The following DNER variants were observed in gnomAD, a reference collection of about 807,000 sequenced individuals.
DNER encodes the protein delta and Notch-like epidermal growth factor-related receptor.
A neutral mutation model predicts 78.2 loss-of-function variants in DNER; 33 were observed. The ratio of observed to expected loss-of-function variants is 0.42; its 90% CI spans 0.32 to 0.56. The LOEUF (loss-of-function observed/expected upper bound fraction) is 0.56, where lower values mean the gene tolerates loss of function less well. Ranked by LOEUF, DNER falls within the 20% of genes least tolerant of loss-of-function variation. DNER has a pLI of 0.11. For missense variants in DNER, 918 were observed against 975.3 expected (o/e 0.94, Z 0.78); for synonymous variants, 417 against 384.8 (o/e 1.08, Z -0.98).
At chr2:229,580,827 A>G (rs73998282) in intron 4 of DNER, among the ~76,000 whole-genome samples, 12,230 of 152,224 alleles carry the variant, frequency 0.08, 925 homozygotes, top group African/African-American at 0.19. Flanking sequence ...ATTCCAGGGT[A>G]CCTGGAATTT....
intron 1 of DNER, among the ~76,000 whole-genome samples, chr2:229,681,424 TA>T (rs1011361483): frequency 1.7e-4 from 26 of 152,292 alleles, no homozygotes; most frequent in African/African-American, 5.5e-4. Flanking sequence ...GGCTCCCAGG[TA>T]ACCATCTACT....
intron 5 of DNER, among the ~76,000 whole-genome samples, chr2:229,516,785 TAAA>T (rs796603043): frequency 4.8e-5 from 4 of 83,886 alleles, no homozygotes; most frequent in Admixed American, 2.9e-4. Context: ...ACGCTGTCTC[TAAA>T]AAAAAAAAAA....
At chr2:229,473,134 A>G (rs4973207) in intron 7 of DNER, among the ~76,000 whole-genome samples, 61,471 of 152,074 alleles carry the variant, frequency 0.4, 14,293 homozygotes, top group African/African-American at 0.64. Context: ...GCTGTCGAGA[A>G]CTCTATCTAG....
At chr2:229,663,851 G>A (rs1054849509) in intron 1 of DNER, among the ~76,000 whole-genome samples, 1 of 152,120 alleles carries the variant, frequency 6.6e-6, no homozygotes, top group Non-Finnish European at 1.5e-5. Context: ...GTTCCAAGCT[G>A]GAGTCTCACT....
chr2:229,480,913 A>G lies in DNER; in HGVS notation c.1148-3660T>C, dbSNP rs554435431. The stretch of plus-strand genomic sequence containing the variant: ...TGCTCTAGACCCGTAAAGTATGAGC[A>G]TATTGACATGTCTGTGGGTTCAGTA... On this transcript the variant is annotated intron_variant, in intron 6 of 12. Coordinates refer to ENST00000341772, the MANE Select transcript of DNER (RefSeq NM_139072.4). 2.0e-5 allele frequency among the ~76,000 whole-genome samples: 3 copies of G among 152,382 alleles called. No individual in the cohort carries two copies. The East Asian group carries it at 5.8e-4, about 29-fold the overall frequency.
At chr2:229,518,364 C>T (rs555892480) in intron 5 of DNER, among the ~76,000 whole-genome samples, 2 of 152,356 alleles carry the variant, frequency 1.3e-5, no homozygotes, top group African/African-American at 4.8e-5. Context: ...CGAAAGGACA[C>T]AGTCCCCATT....
chr2:229,376,688 T>G (rs1264700599), intron 11 of DNER, among the ~76,000 whole-genome samples: 1 of 152,218 alleles, frequency 6.6e-6, no homozygotes, highest in Non-Finnish European at 1.5e-5. Flanking sequence ...AAGCAATATG[T>G]TGAAGAGTGT....
At chr2:229,428,066 T>G (rs547897351) in intron 8 of DNER, among the ~76,000 whole-genome samples, 265 of 118,848 alleles carry the variant, frequency 2.2e-3, no homozygotes, top group African/African-American at 9.5e-3. Context: ...CAGAGCGAGA[T>G]TCCATCTCAA....
In DNER at chr2:229,431,078, ATGTTAAAAATTC is replaced by A. The variant is rs1441501656; in HGVS notation, c.1487-12860_1487-12849del. ...TATGCAGAAAAGAAAATCTTTGAAG[ATGTTAAAAATTC>A]TGTAACTTCTGTAGATGTACTGAGT... On this transcript the variant is annotated intron_variant, in intron 8 of 12. Coordinates refer to ENST00000341772, the MANE Select transcript of DNER (RefSeq NM_139072.4). 3.3e-5 allele frequency among the ~76,000 whole-genome samples: 5 copies of A among 152,282 alleles called. No individual in the cohort carries two copies. The East Asian group carries it at 9.6e-4, about 29-fold the overall frequency.
At chr2:229,387,570 A>AG (rs1692916208) in intron 11 of DNER, among the ~76,000 whole-genome samples, 5 of 151,566 alleles carry the variant, frequency 3.3e-5, no homozygotes, top group African/African-American at 1.2e-4. Context: ...AAAGAAAGAA[A>AG]AGAAAGAAGG....
intron 6 of DNER, among the ~76,000 whole-genome samples, chr2:229,510,636 T>C (rs553374297): frequency 6.6e-6 from 1 of 152,138 alleles, no homozygotes; most frequent in African/African-American, 2.4e-5. Context: ...CTTCTAGAAA[T>C]GGATGGAACG....
chr2:229,522,338 A>G (rs1365087019), intron 5 of DNER, among the ~76,000 whole-genome samples: 1 of 152,172 alleles, frequency 6.6e-6, no homozygotes, highest in African/African-American at 2.4e-5. Flanking sequence ...TGTTCTCAGC[A>G]CTCTTGGAGT....
At chr2:229,615,954 A>G (rs1383150521) in intron 1 of DNER, among the ~76,000 whole-genome samples, 1 of 152,194 alleles carries the variant, frequency 6.6e-6, no homozygotes, top group Non-Finnish European at 1.5e-5. Context: ...CGTGGCATGG[A>G]ATGCTTTATC....
intron 1 of DNER, among the ~76,000 whole-genome samples, chr2:229,689,744 A>C (rs927823531): frequency 2.0e-5 from 3 of 152,182 alleles, no homozygotes; most frequent in African/African-American, 7.2e-5. Context: ...CATTATGATA[A>C]TCATAGTCTT....
intron 12 of DNER, among the ~76,000 whole-genome samples, chr2:229,361,995 T>C (rs1309788243): frequency 6.6e-6 from 1 of 152,180 alleles, no homozygotes; most frequent in Non-Finnish European, 1.5e-5. Flanking sequence ...CCACAGACCA[T>C]GACACTTGGG....
intron 1 of DNER, among the ~76,000 whole-genome samples, chr2:229,626,110 G>A (rs1271341015): frequency 6.6e-6 from 1 of 152,012 alleles, no homozygotes; most frequent in Non-Finnish European, 1.5e-5. Context: ...TAGTAGAGAC[G>A]GGGTTTCACC....
At chr2:229,568,048 G>A (rs1697144265) in intron 4 of DNER, among the ~76,000 whole-genome samples, 2 of 152,060 alleles carry the variant, frequency 1.3e-5, no homozygotes, top group African/African-American at 2.4e-5. Flanking sequence ...CATAAAAGAC[G>A]GATGTCTGAA....
rs4315510 is a variant in DNER at position 229,650,070 on chromosome 2, G to A, written c.277-58182C>T. Among the ~76,000 whole-genome samples, 287 of 99,014 alleles carry A rather than the reference G, an allele frequency of 2.9e-3. 1 individual carries two copies. The highest frequency in any genetic ancestry group is 0.013 in the African/African-American group (268 of 20,114). 65.0% of individuals were successfully genotyped at this position (99,014 alleles called of 152,430 possible). ...AGCCTGGGTGACAGAGCAAGACTCC[G>A]TCAAAAAAAAAAAAAAAAAAAAGAA... On this transcript the variant is annotated intron_variant, in intron 1 of 12. Transcript: ENST00000341772.
intron 11 of DNER, among the ~76,000 whole-genome samples, chr2:229,371,510 T>G (rs890968081): frequency 6.6e-6 from 1 of 152,270 alleles, no homozygotes; most frequent in Non-Finnish European, 1.5e-5. Context: ...TTCATGTTTT[T>G]AAACTAGATT....
Sources: allele counts gnomAD v4.1 joint callset (sites outside exome capture counted in the v4.1 genomes callset), GRCh38; gene constraint gnomAD v4.1.1; transcripts MANE v1.5; gene names NCBI Gene and HGNC (gene_info 2026-07-23, HGNC 2026-07-21).